DAP: variants seen among roughly 807,000 people sequenced by gnomAD.
DAP encodes the protein death-associated protein 1.
A neutral mutation model predicts 13.8 loss-of-function variants in DAP; 8 were observed. The observed-to-expected ratio is 0.58, with a 90% CI of 0.34 to 1.05. The LOEUF (loss-of-function observed/expected upper bound fraction) is 1.05, where lower values mean the gene tolerates loss of function less well. Ranked by LOEUF, DAP falls within the 50% of genes least tolerant of loss-of-function variation. The pLI is 0.03. For synonymous variants in DAP, 47 were observed against 47.5 expected (o/e 0.99, Z 0.04); for missense variants, 106 against 133.2 (o/e 0.80, Z 1.01).
chr5:10,759,847 C>A (rs1391884143), intron 1 of DAP, among the ~76,000 whole-genome samples: 1 of 148,906 alleles, frequency 6.7e-6, no homozygotes, highest in Non-Finnish European at 1.5e-5. Context: ...TTCTGCCTCC[C>A]GGGTTCAAGC....
chr5:10,698,282 CA>C (rs71613386), intron 2 of DAP, among the ~76,000 whole-genome samples: 2,489 of 42,696 alleles, frequency 0.058, 8 homozygotes, highest in South Asian at 0.11. Context: ...CCAGACTTAG[CA>C]AAAAAAAAAA....
intron 2 of DAP, among the ~76,000 whole-genome samples, chr5:10,704,424 A>T (rs1738652110): frequency 6.6e-6 from 1 of 152,006 alleles, no homozygotes; most frequent in Admixed American, 6.5e-5. Flanking sequence ...AGACATGGGC[A>T]CTTTCCGCTC....
intron 2 of DAP, among the ~76,000 whole-genome samples, chr5:10,731,660 C>A (rs1283940495): frequency 6.6e-6 from 1 of 152,208 alleles, no homozygotes; most frequent in Non-Finnish European, 1.5e-5. Context: ...CACTGTAAAC[C>A]ACATATCTAA....
intron 2 of DAP, among the ~76,000 whole-genome samples, chr5:10,691,286 G>A (rs1023308545): frequency 1.3e-5 from 2 of 152,224 alleles, no homozygotes; most frequent in Non-Finnish European, 2.9e-5. Flanking sequence ...CGTATGTTGT[G>A]TTGAAGGTTT....
At chr5:10,724,908 T>TC (rs911587269) in intron 2 of DAP, among the ~76,000 whole-genome samples, 12 of 149,824 alleles carry the variant, frequency 8.0e-5, no homozygotes, top group African/African-American at 2.8e-4. Context: ...AGCTCTCTAC[T>TC]CCCCCCAGGA....
intron 2 of DAP, among the ~76,000 whole-genome samples, chr5:10,698,282 CAAAAAAAAAAAAA>C (rs71613386): frequency 1.2e-4 from 5 of 42,902 alleles, no homozygotes; most frequent in African/African-American, 1.6e-4. Flanking sequence ...CCAGACTTAG[CAAAAAAAAAAAAA>C]AAAAAAAAAA....
intron 2 of DAP, among the ~76,000 whole-genome samples, chr5:10,703,948 A>T (rs1424272043): frequency 2.0e-5 from 3 of 152,214 alleles, no homozygotes; most frequent in Non-Finnish European, 4.4e-5. Flanking sequence ...AGAGGGGGAG[A>T]ATTCACAGCA....
Position 10,679,787 on chromosome 5 carries a change from G to A in DAP, c.*1269C>T, listed in dbSNP as rs1737933859. 6.6e-6 allele frequency: 1 copy of A among 152,436 alleles called. No individual in the cohort carries two copies. The highest frequency in any genetic ancestry group is 1.5e-5 in the Non-Finnish European group (1 of 68,072). The allele number at this position is 152,436 out of a possible 1,614,324, so 9.4% of individuals were successfully genotyped here. Reference sequence around the variant, plus strand: ...CTGCCTCTGCCCTCACCAGCTGGCAGACGTGAACTGGAGAACAGCACCAGA... The same window carrying A: ...CTGCCTCTGCCCTCACCAGCTGGCAAACGTGAACTGGAGAACAGCACCAGA... On this transcript the variant is annotated 3_prime_UTR_variant, in exon 4 of 4. Transcript: ENST00000230895.
intron 2 of DAP, among the ~76,000 whole-genome samples, chr5:10,738,282 G>T (rs1391212410): frequency 1.8e-4 from 28 of 152,266 alleles, no homozygotes; most frequent in Admixed American, 1.8e-3. Flanking sequence ...GCAAAAGTTT[G>T]ATGAGAAACA....
intron 2 of DAP, among the ~76,000 whole-genome samples, chr5:10,741,756 C>A: frequency 6.6e-6 from 1 of 152,200 alleles, no homozygotes; most frequent in East Asian, 1.9e-4. Flanking sequence ...ACACGTAGCA[C>A]CTTCGTGGTC....
intron 1 of DAP, 75 bp downstream of exon 1, chr5:10,760,938 AG>A (rs1579828845): frequency 1.0e-6 from 1 of 958,506 alleles, no homozygotes; most frequent in East Asian, 4.3e-5. Context: ...CTCCCCGCGG[AG>A]CCCCCGCCCG....
rs1048386582 is a variant in DAP at position 10,760,943 on chromosome 5, C to T, written c.55+71G>A. 4.8e-6 allele frequency: 5 copies of T among 1,038,658 alleles called. No individual in the cohort carries two copies. In the South Asian group the frequency reaches 2.3e-4, roughly 47 times the overall value. The allele number at this position is 1,038,658 out of a possible 1,614,324, so 64.3% of individuals were successfully genotyped here. A position where few individuals can be genotyped will look rare whatever the true frequency, so the allele number is the denominator to read the frequency against. On this transcript the variant is annotated intron_variant, in intron 1 of 3. Coordinates refer to ENST00000230895, the MANE Select transcript of DAP (RefSeq NM_004394.3). ...CGCCGGGGCCCTCCCCGCGGAGCCC[C>T]CGCCCGGCGCCCCCGGGTTCGAGCC... is the stretch of plus-strand genomic sequence containing the variant.
intron 2 of DAP, among the ~76,000 whole-genome samples, chr5:10,710,242 C>G (rs999752484): frequency 6.8e-6 from 1 of 147,978 alleles, no homozygotes; most frequent in Non-Finnish European, 1.5e-5. Context: ...CATAAGGAAG[C>G]CTTCACAGCC....
chr5:10,695,962 C>A (rs953965704), intron 2 of DAP, among the ~76,000 whole-genome samples: 1 of 151,884 alleles, frequency 6.6e-6, no homozygotes, highest in African/African-American at 2.4e-5. Flanking sequence ...CCACACTCTG[C>A]ATGTAGTGTG....
At chr5:10,755,878 T>G (rs1472240668) in intron 1 of DAP, among the ~76,000 whole-genome samples, 2 of 152,218 alleles carry the variant, frequency 1.3e-5, no homozygotes, top group East Asian at 3.8e-4. Flanking sequence ...CTGGGTGCGG[T>G]GGCTCATGCC....
At chr5:10,683,952 T>G (rs984623384) in intron 2 of DAP, among the ~76,000 whole-genome samples, 1 of 152,092 alleles carries the variant, frequency 6.6e-6, no homozygotes, top group Non-Finnish European at 1.5e-5. Flanking sequence ...GTCTCCCGAG[T>G]AGCTGGGACA....
intron 2 of DAP, among the ~76,000 whole-genome samples, chr5:10,733,113 T>A (rs1221359493): frequency 6.6e-6 from 1 of 151,892 alleles, no homozygotes; most frequent in Admixed American, 6.6e-5. Flanking sequence ...TGACGTGGCA[T>A]ATGACAGGAT....
chr5:10,728,439 AAAG>A (rs1166110273), intron 2 of DAP, among the ~76,000 whole-genome samples: 2 of 152,228 alleles, frequency 1.3e-5, no homozygotes, highest in African/African-American at 2.4e-5. Flanking sequence ...AAAAGACAAA[AAAG>A]AAGACCTCTG....
intron 1 of DAP, among the ~76,000 whole-genome samples, chr5:10,754,163 A>G (rs1333374347): frequency 1.3e-5 from 2 of 152,204 alleles, no homozygotes; most frequent in African/African-American, 4.8e-5. Context: ...TGAAGGTGGG[A>G]ACCCTAAAAA....
Sources: gnomAD v4.1 joint callset for allele counts (sites outside exome capture counted in the v4.1 genomes callset) on GRCh38, gnomAD v4.1.1 for gene constraint, MANE v1.5 for transcripts, NCBI Gene and HGNC (gene_info 2026-07-23, HGNC 2026-07-21) for gene names.